DBF4B: variants seen among roughly 807,000 people sequenced by gnomAD.
DBF4B encodes DBF4B-CDC7 kinase regulatory subunit.
DBF4B carries 49 observed loss-of-function variants against 53.4 expected under a neutral mutation model. That is an observed-to-expected ratio of 0.92 (90% confidence interval 0.73 to 1.16). DBF4B has a LOEUF of 1.16. Among genes scored for constraint, DBF4B ranks in the 50% most tolerant of loss-of-function variants. The pLI is 0.00. For missense variants in DBF4B, 692 were observed against 775.0 expected, an observed-to-expected ratio of 0.89 and a Z score of 1.27; for synonymous variants, 257 against 288.7, an observed-to-expected ratio of 0.89 and a Z score of 1.11.
At chr17:44,731,866 T>C (rs544921410) in intron 5 of DBF4B, 44 of 297,282 alleles carry the variant, frequency 1.5e-4, no homozygotes, top group Non-Finnish European at 2.2e-4. Context: ...GCTGAGAGCT[T>C]TCCTCGCAGA....
chr17:44,725,134 A>AC (rs1256438630), intron 3 of DBF4B, among the ~76,000 whole-genome samples: 2 of 151,444 alleles, frequency 1.3e-5, no homozygotes, highest in Non-Finnish European at 2.9e-5. Flanking sequence ...AAAAAAAAAA[A>AC]AAAAACATTA....
chr17:44,728,911 A>C (rs1390515224), intron 3 of DBF4B, among the ~76,000 whole-genome samples: 4 of 152,166 alleles, frequency 2.6e-5, no homozygotes, highest in Admixed American at 2.6e-4. Context: ...AGCCTGGCCA[A>C]CATGGTGAAA....
Position 44,748,210 on chromosome 17 carries a change from A to G in DBF4B, c.1065-131A>G, listed in dbSNP as rs558262726. ...GACCCAAACAGGAGGACTTTCACAC[A>G]GGGCCTCAGAGAAGGCAGCTCTCTC... is the stretch of plus-strand genomic sequence containing the variant. On this transcript the variant is annotated intron_variant, in intron 12 of 13. Coordinates refer to ENST00000315005, the MANE Select transcript of DBF4B (RefSeq NM_145663.3). The G allele has an allele frequency of 3.7e-5, 46 of 1,231,636 alleles. No homozygotes were observed. The South Asian group carries it at 5.4e-4, about 15-fold the overall frequency. The allele number at this position is 1,231,636 out of a possible 1,614,324, so 76.3% of individuals were successfully genotyped here.
intron 2 of DBF4B, among the ~76,000 whole-genome samples, chr17:44,715,810 T>G (rs1409452598): frequency 3.0e-5 from 4 of 134,166 alleles, no homozygotes; most frequent in Admixed American, 7.7e-5. Context: ...CTTTCTTTCT[T>G]TCTTTTTTTT....
chr17:44,742,098 A>T (rs1220146826), intron 10 of DBF4B, among the ~76,000 whole-genome samples: 2 of 151,996 alleles, frequency 1.3e-5, no homozygotes, highest in East Asian at 3.9e-4. Context: ...CAAAAAATAA[A>T]AATAAAAATG....
intron 13 of DBF4B, chr17:44,748,951 G>A (rs1402179468): frequency 2.3e-6 from 3 of 1,289,830 alleles, no homozygotes; most frequent in African/African-American, 1.5e-5. Flanking sequence ...CAGACCAGCA[G>A]AGTTCTGGGC....
At chr17:44,729,262 T>C (rs999990346) in intron 3 of DBF4B, among the ~76,000 whole-genome samples, 2 of 151,432 alleles carry the variant, frequency 1.3e-5, no homozygotes, top group African/African-American at 4.9e-5. Context: ...AGTGTAGTAG[T>C]GTAGTCATAG....
At position 44,749,182 on chromosome 17, in the gene DBF4B, G is replaced by A; in HGVS notation, c.1189+717G>A. 3.1e-6 allele frequency: 4 copies of A among 1,289,806 alleles called. No individual in the cohort carries two copies. In the South Asian group the frequency reaches 3.7e-5, roughly 12 times the overall value. 79.9% of individuals were successfully genotyped at this position (1,289,806 alleles called of 1,614,324 possible). Reference sequence around the variant, plus strand: ...CCTCCTGCAGCCCCTGCCAGCCAGTGCGGGAGCCAGCTGTTCCCGATGCCT... The same window carrying A: ...CCTCCTGCAGCCCCTGCCAGCCAGTACGGGAGCCAGCTGTTCCCGATGCCT... On this transcript the variant is annotated intron_variant, in intron 13 of 13. Coordinates refer to ENST00000315005, the MANE Select transcript of DBF4B (RefSeq NM_145663.3). The surrounding 1 kb of genome is among the most constrained non-coding windows in gnomAD (Gnocchi z 4.4).
intron 13 of DBF4B, 88 bp from the exon 14 acceptor site, chr17:44,750,507 T>C (rs1206885501): frequency 1.3e-6 from 2 of 1,509,268 alleles, no homozygotes; most frequent in Non-Finnish European, 1.8e-6. Context: ...TTAATTTTGG[T>C]TCAGGAAATG....
At chr17:44,720,380 G>A (rs2906782) in intron 2 of DBF4B, 19,113 of 214,924 alleles carry the variant, frequency 0.089, 949 homozygotes, top group East Asian at 0.13. Context: ...TAGCAGCTGA[G>A]TACTTCTTCC....
chr17:44,708,972 G>A, intron 1 of DBF4B, 133 bp downstream of exon 1: 2 of 1,289,558 alleles, frequency 1.6e-6, no homozygotes, highest in South Asian at 1.4e-5. Context: ...TATAGGGGCC[G>A]GGAAGGAGCC....
intron 12 of DBF4B, among the ~76,000 whole-genome samples, chr17:44,748,094 A>T (rs2049155602): frequency 6.6e-6 from 1 of 152,240 alleles, no homozygotes; most frequent in Non-Finnish European, 1.5e-5. Flanking sequence ...CATGAAATGG[A>T]ATAGCCTCTA....
chr17:44,721,026 C>T (rs559200822), intron 2 of DBF4B, among the ~76,000 whole-genome samples: 4 of 152,076 alleles, frequency 2.6e-5, no homozygotes, highest in African/African-American at 4.8e-5. Context: ...CCACCACGCC[C>T]GGTTATTTTT....
rs1158316369 is a variant in DBF4B, at chr17:44,723,039, TCTC to T, written c.225+20_225+22del. The T allele has an allele frequency of 1.4e-5, 23 of 1,613,410 alleles. No individual in the cohort carries two copies. The highest frequency in any genetic ancestry group is 6.7e-5 in the African/African-American group (5 of 74,910). On this transcript the variant is annotated intron_variant, in intron 3 of 13. Transcript: ENST00000315005. The stretch of plus-strand genomic sequence containing the variant: ...CTGGGTGGGGTAGGTAACCTGCTCT[TCTC>T]CTGCGATGCCATGTGCCTTTGCAGG...
At chr17:44,709,647 G>T (rs1487600046) in intron 2 of DBF4B, among the ~76,000 whole-genome samples, 2 of 152,100 alleles carry the variant, frequency 1.3e-5, no homozygotes, top group Non-Finnish European at 2.9e-5. Context: ...GTGTGTGTGT[G>T]TATGGACGCA....
intron 2 of DBF4B, among the ~76,000 whole-genome samples, chr17:44,713,922 T>C (rs1304437040): frequency 1.3e-5 from 2 of 152,188 alleles, no homozygotes; most frequent in Non-Finnish European, 2.9e-5. Context: ...GAATTCTTTT[T>C]GCCTCTTTCC....
rs991527385 is a variant in DBF4B at position 44,729,757 on chromosome 17, A to G, written c.226-148A>G. 21 of 735,772 alleles carry G rather than the reference A, an allele frequency of 2.9e-5. No homozygotes were observed. The Middle Eastern group carries it at 1.9e-3, about 68-fold the overall frequency. The allele number at this position is 735,772 out of a possible 1,614,324, so 45.6% of individuals were successfully genotyped here. A position where few individuals can be genotyped will look rare whatever the true frequency, so the allele number is the denominator to read the frequency against. On this transcript the variant is annotated intron_variant, in intron 3 of 13. Transcript: ENST00000315005. ...TTAGATTTCAGGATGATGTCTTCTT[A>G]GGAACTTGGTATGAAACTGCATTTA...
chr17:44,729,677 T>TACACACACACACAC (rs1429104175), intron 3 of DBF4B, among the ~76,000 whole-genome samples: 2 of 100,404 alleles, frequency 2.0e-5, no homozygotes, highest in African/African-American at 7.9e-5. Context: ...AAACCTGTAA[T>TACACACACACACAC]ACACATACAC....
intron 9 of DBF4B, among the ~76,000 whole-genome samples, chr17:44,739,847 T>C (rs913539231): frequency 1.3e-5 from 2 of 152,174 alleles, no homozygotes; most frequent in Admixed American, 6.5e-5. Flanking sequence ...CTCGGCTCAC[T>C]GCAACCCCTG....
Sources: gnomAD v4.1 joint callset for allele counts (sites outside exome capture counted in the v4.1 genomes callset) on GRCh38, gnomAD v4.1.1 for gene constraint, Gnocchi (gnomAD v3.1) non-coding constraint, MANE v1.5 for transcripts, NCBI Gene and HGNC (gene_info 2026-07-23, HGNC 2026-07-21) for gene names.